Variants in ZNF365 observed in about 807,000 individuals in gnomAD.
ZNF365 encodes protein ZNF365.
Under a neutral mutation model 35.0 loss-of-function variants are expected in ZNF365, and 22 were observed. That is an observed-to-expected ratio of 0.63 (90% CI 0.45 to 0.90). The LOEUF (loss-of-function observed/expected upper bound fraction) is 0.90, where lower values mean the gene tolerates loss of function less well. Ranked by LOEUF, ZNF365 falls within the 40% of genes least tolerant of loss-of-function variation. The pLI, the probability that ZNF365 is intolerant of heterozygous loss-of-function variation, is 0.00. For missense variants in ZNF365, 448 were observed against 500.3 expected, an observed-to-expected ratio of 0.90 and a Z score of 1.00; for synonymous variants, 188 against 196.2, an observed-to-expected ratio of 0.96 and a Z score of 0.35.
chr10:62,478,062 T>C (rs925453258), intron 4 of ZNF365, among the ~76,000 whole-genome samples: 1 of 152,106 alleles, frequency 6.6e-6, no homozygotes, highest in African/African-American at 2.4e-5. Context: ...TCCTAAACAG[T>C]AATTTGGACT....
rs1839805353 is a variant in ZNF365, at chr10:62,400,334, A to G, written c.*545A>G. 10 of 986,470 alleles carry G rather than the reference A, an allele frequency of 1.0e-5. No homozygotes were observed. The South Asian group carries it at 2.8e-4, about 28-fold the overall frequency. The allele number at this position is 986,470 out of a possible 1,614,324, so 61.1% of individuals were successfully genotyped here. On this transcript the variant is annotated 3_prime_UTR_variant, in exon 5 of 5. Transcript: ENST00000395254. Reference sequence around the variant, plus strand: ...AGTATTCTGGTTAATCAAGATTTCAATTTCTGGGTTGCTCAAGGGACTCGT... The same window carrying G: ...AGTATTCTGGTTAATCAAGATTTCAGTTTCTGGGTTGCTCAAGGGACTCGT...
chr10:62,401,589 T>G lies in ZNF365; in HGVS notation c.*1800T>G. On this transcript the variant is annotated 3_prime_UTR_variant, in exon 5 of 5. Transcript: ENST00000395254. ...GGCTAACATTGTAAAAATTGTAATG[T>G]TATAATTATTATTTATTTGGAGAAT... 1.0e-6 allele frequency: 1 copy of G among 984,228 alleles called. No individual in the cohort carries two copies. The highest frequency in any genetic ancestry group is 1.2e-6 in the Non-Finnish European group (1 of 828,730). The allele number at this position is 984,228 out of a possible 1,614,324, so 61.0% of individuals were successfully genotyped here. A position where few individuals can be genotyped will look rare whatever the true frequency, so the allele number is the denominator to read the frequency against.
At chr10:62,435,386 C>T (rs1331414247) in intron 3 of ZNF365, among the ~76,000 whole-genome samples, 1 of 152,096 alleles carries the variant, frequency 6.6e-6, no homozygotes, top group African/African-American at 2.4e-5. Context: ...TTTTTTGCCT[C>T]ACACATGCCT....
chr10:62,441,794 A>C (rs1840506081), intron 3 of ZNF365, among the ~76,000 whole-genome samples: 1 of 152,180 alleles, frequency 6.6e-6, no homozygotes, highest in African/African-American at 2.4e-5. Flanking sequence ...ATTGAATCGA[A>C]GAAAGTTTGA....
chr10:62,387,739 G>T (rs540121742), intron 2 of ZNF365, among the ~76,000 whole-genome samples: 1 of 152,060 alleles, frequency 6.6e-6, no homozygotes. Context: ...ATATACTGTT[G>T]GACAAGATGA....
chr10:62,423,637 T>C (rs4746879), intron 3 of ZNF365, among the ~76,000 whole-genome samples: 88,821 of 151,556 alleles, frequency 0.59, 26,520 homozygotes, highest in East Asian at 0.77. Context: ...TAATAGAAAA[T>C]CCTTGCTATG....
At chr10:62,454,701 T>C (rs1840735527) in intron 3 of ZNF365, among the ~76,000 whole-genome samples, 2 of 152,136 alleles carry the variant, frequency 1.3e-5, no homozygotes, top group South Asian at 4.1e-4. Flanking sequence ...CTATCTTAAT[T>C]AAAACAATTT....
intron 3 of ZNF365, among the ~76,000 whole-genome samples, chr10:62,441,854 T>A (rs908976273): frequency 8.5e-5 from 13 of 152,264 alleles, no homozygotes; most frequent in African/African-American, 2.9e-4. Context: ...TTATAGCAAT[T>A]TAGTAAGGCC....
downstream of ZNF365, among the ~76,000 whole-genome samples, chr10:62,402,636 C>G (rs149761420): frequency 9.2e-4 from 140 of 152,232 alleles, no homozygotes; most frequent in African/African-American, 3.1e-3. Context: ...ATTCCTATAT[C>G]TAAAAGTTAT....
chr10:62,393,007 A>G (rs564481661), intron 3 of ZNF365, among the ~76,000 whole-genome samples: 1 of 146,718 alleles, frequency 6.8e-6, no homozygotes, highest in African/African-American at 2.5e-5. Context: ...CTTTTTTTCT[A>G]TTTTTACATT....
chr10:62,456,652 G>A (rs887903345), intron 3 of ZNF365, among the ~76,000 whole-genome samples: 6 of 152,216 alleles, frequency 3.9e-5, no homozygotes, highest in Admixed American at 2.0e-4. Flanking sequence ...AGCGGGACTC[G>A]ATTTCAGCTC....
chr10:62,477,962 A>C (rs1841159943), intron 4 of ZNF365, among the ~76,000 whole-genome samples: 1 of 152,228 alleles, frequency 6.6e-6, no homozygotes, highest in African/African-American at 2.4e-5. Flanking sequence ...AAACTCTCAC[A>C]GTCCACCTTT....
At chr10:62,384,512 C>T (rs983518792) in intron 2 of ZNF365, among the ~76,000 whole-genome samples, 13 of 151,970 alleles carry the variant, frequency 8.6e-5, no homozygotes, top group Non-Finnish European at 4.4e-5. Flanking sequence ...GTGAAAAGAG[C>T]GGTATTGTTT....
At chr10:62,430,884 G>A (rs1211924022) in intron 3 of ZNF365, among the ~76,000 whole-genome samples, 1 of 152,172 alleles carries the variant, frequency 6.6e-6, no homozygotes, top group Non-Finnish European at 1.5e-5. Context: ...TGTGTCTTTA[G>A]GTGTATTCCT....
chr10:62,400,736 C>G lies in ZNF365; in HGVS notation c.*947C>G. 1.0e-6 allele frequency: 1 copy of G among 985,706 alleles called. No homozygotes were observed. The highest frequency in any genetic ancestry group is 1.2e-6 in the Non-Finnish European group (1 of 830,060). 61.1% of individuals were successfully genotyped at this position (985,706 alleles called of 1,614,324 possible). Reference sequence around the variant, plus strand: ...GGCCAGTGTCAGTGGCCCTCTCTCTCTCTGCTATGGGCATGACTTTCTCTT... The same window carrying G: ...GGCCAGTGTCAGTGGCCCTCTCTCTGTCTGCTATGGGCATGACTTTCTCTT... On this transcript the variant is annotated 3_prime_UTR_variant, in exon 5 of 5. Coordinates refer to ENST00000395254, the MANE Select transcript of ZNF365 (RefSeq NM_014951.3).
intron 3 of ZNF365, among the ~76,000 whole-genome samples, chr10:62,394,375 A>G (rs555407494): frequency 1.3e-5 from 2 of 152,318 alleles, no homozygotes; most frequent in Non-Finnish European, 2.9e-5. Context: ...CACTGAGAGC[A>G]GTTTCCTCAG....
At chr10:62,430,956 T>TATCA (rs1006642272) in intron 3 of ZNF365, among the ~76,000 whole-genome samples, 2 of 152,228 alleles carry the variant, frequency 1.3e-5, no homozygotes, top group African/African-American at 4.8e-5. Context: ...AATCTAATAC[T>TATCA]ATCATTTTGT....
At position 62,400,796 on chromosome 10, in the gene ZNF365, T is replaced by C. The variant is rs76598947; in HGVS notation, c.*1007T>C. 6.2e-3 allele frequency: 6,004 copies of C among 965,250 alleles called. 303 individuals carry two copies. The African/African-American group carries it at 0.11, about 18-fold the overall frequency. The allele number at this position is 965,250 out of a possible 1,614,324, so 59.8% of individuals were successfully genotyped here. A position where few individuals can be genotyped will look rare whatever the true frequency, so the allele number is the denominator to read the frequency against. ...AACTTTTCCACTGGGTGGTTCACTT[T>C]GCCTCCTGCTGCTTCTGTGCCCTGT... On this transcript the variant is annotated 3_prime_UTR_variant, in exon 5 of 5. Coordinates refer to ENST00000395254, the MANE Select transcript of ZNF365 (RefSeq NM_014951.3).
rs151139939 is a variant in ZNF365, at chr10:62,374,617, A to G, written c.-14+159A>G. 2.7e-3 allele frequency among the ~76,000 whole-genome samples: 406 copies of G among 152,186 alleles called. 1 individual carries two copies. The highest frequency in any genetic ancestry group is 9.5e-3 in the African/African-American group (393 of 41,532). Reference sequence around the variant, plus strand: ...CCAGCAGGAACTCATGTGCACACGAATCCACTCTGGCACCCGTGGGCTGGC... The same window carrying G: ...CCAGCAGGAACTCATGTGCACACGAGTCCACTCTGGCACCCGTGGGCTGGC... On this transcript the variant is annotated intron_variant, in intron 1 of 4. Coordinates refer to ENST00000395254, the MANE Select transcript of ZNF365 (RefSeq NM_014951.3).
Sources: gnomAD v4.1 joint callset for allele counts (sites outside exome capture counted in the v4.1 genomes callset) on GRCh38, gnomAD v4.1.1 for gene constraint, MANE v1.5 for transcripts, NCBI Gene and HGNC (gene_info 2026-07-23, HGNC 2026-07-21) for gene names.